Variants in SNTG1 observed in about 807,000 individuals in gnomAD.
SNTG1 encodes the protein gamma-1-syntrophin.
Under a neutral mutation model 74.7 loss-of-function variants are expected in SNTG1, and 39 were observed. The ratio of observed to expected loss-of-function variants is 0.52; its 90% CI spans 0.40 to 0.68. The LOEUF is 0.68. SNTG1 is among the 30% of genes least tolerant of loss of function. SNTG1 has a pLI of 0.00. For synonymous variants in SNTG1, 254 were observed against 217.1 expected, an observed-to-expected ratio of 1.17 and a Z score of -1.49; for missense variants, 685 against 609.5, an observed-to-expected ratio of 1.12 and a Z score of -1.30.
At chr8:50,054,632 G>C (rs568046605) in intron 1 of SNTG1, among the ~76,000 whole-genome samples, 1 of 151,940 alleles carries the variant, frequency 6.6e-6, no homozygotes, top group African/African-American at 2.4e-5. Flanking sequence ...CCTGGTGATC[G>C]AATAACCTGC....
chr8:49,948,485 A>AT (rs1336271290), intron 1 of SNTG1, among the ~76,000 whole-genome samples: 1 of 152,076 alleles, frequency 6.6e-6, no homozygotes, highest in Non-Finnish European at 1.5e-5. Context: ...TGTTTGGTGC[A>AT]TTTTTTACTA....
At chr8:50,418,083 CTT>C (rs1215486525) in intron 4 of SNTG1, among the ~76,000 whole-genome samples, 8 of 152,226 alleles carry the variant, frequency 5.3e-5, no homozygotes, top group East Asian at 3.9e-4. Context: ...CAAACTCTCT[CTT>C]GGCCCGAAAT....
At chr8:50,526,864 A>C (rs1431490731) in intron 9 of SNTG1, among the ~76,000 whole-genome samples, 1 of 151,854 alleles carries the variant, frequency 6.6e-6, no homozygotes, top group Non-Finnish European at 1.5e-5. Flanking sequence ...CCTTGTGATC[A>C]TCCCGCCTCA....
At chr8:50,123,317 A>G (rs565749012) in intron 1 of SNTG1, among the ~76,000 whole-genome samples, 9 of 142,736 alleles carry the variant, frequency 6.3e-5, no homozygotes, top group Non-Finnish European at 1.1e-4. Flanking sequence ...AATTTGAGAA[A>G]ATGAATGCTT....
chr8:50,270,384 A>G (rs950021211), intron 2 of SNTG1, among the ~76,000 whole-genome samples: 2 of 152,204 alleles, frequency 1.3e-5, no homozygotes, highest in African/African-American at 4.8e-5. Flanking sequence ...AAAAAGAGAA[A>G]GCTGTACTGT....
chr8:50,285,042 T>A (rs1177872349), intron 2 of SNTG1, among the ~76,000 whole-genome samples: 1 of 152,164 alleles, frequency 6.6e-6, no homozygotes, highest in Non-Finnish European at 1.5e-5. Context: ...TTTGTGTGCT[T>A]TTATTACATT....
intron 1 of SNTG1, among the ~76,000 whole-genome samples, chr8:50,057,456 T>C (rs1202048902): frequency 6.6e-6 from 1 of 152,082 alleles, no homozygotes; most frequent in Admixed American, 6.6e-5. Flanking sequence ...TTATTTGAAA[T>C]GCCACAGTGG....
chr8:49,991,235 A>G (rs769973113), intron 1 of SNTG1, among the ~76,000 whole-genome samples: 9 of 152,268 alleles, frequency 5.9e-5, no homozygotes, highest in Non-Finnish European at 1.3e-4. Flanking sequence ...AAAACCACAC[A>G]ATTAAATGGC....
chr8:50,539,116 T>A (rs2094328066), intron 11 of SNTG1, among the ~76,000 whole-genome samples: 1 of 152,214 alleles, frequency 6.6e-6, no homozygotes, highest in South Asian at 2.1e-4. Flanking sequence ...GGATGGTTAC[T>A]GTAAAATCCT....
chr8:50,534,477 GTAA>G (rs1333290659), intron 10 of SNTG1, among the ~76,000 whole-genome samples: 2 of 152,060 alleles, frequency 1.3e-5, no homozygotes, highest in African/African-American at 2.4e-5. Context: ...AAGTTGGGAA[GTAA>G]TAATAAAATA....
At chr8:50,058,567 T>C (rs1198836644) in intron 1 of SNTG1, among the ~76,000 whole-genome samples, 1 of 152,120 alleles carries the variant, frequency 6.6e-6, no homozygotes, top group Non-Finnish European at 1.5e-5. Context: ...AGTTTTAACT[T>C]TGAGGATTGA....
intron 2 of SNTG1, among the ~76,000 whole-genome samples, chr8:50,312,361 C>T (rs994088459): frequency 2.6e-5 from 4 of 152,136 alleles, no homozygotes; most frequent in African/African-American, 7.2e-5. Context: ...ATGGCCCCAA[C>T]GAAAGATAGC....
intron 2 of SNTG1, among the ~76,000 whole-genome samples, chr8:50,207,637 A>C (rs996928701): frequency 1.3e-5 from 2 of 151,792 alleles, no homozygotes; most frequent in African/African-American, 2.4e-5. Flanking sequence ...TTGCTTCTCT[A>C]GTTCTTTTAG....
chr8:50,540,741 C>T (rs1283123082), intron 11 of SNTG1, among the ~76,000 whole-genome samples: 6 of 151,932 alleles, frequency 3.9e-5, no homozygotes, highest in Non-Finnish European at 2.9e-5. Context: ...TATGGCATGT[C>T]CAGTACCTTT....
chr8:50,739,430 T>G (rs1185082880), intron 17 of SNTG1, among the ~76,000 whole-genome samples: 1 of 152,076 alleles, frequency 6.6e-6, no homozygotes, highest in Non-Finnish European at 1.5e-5. Context: ...CTGAAGAGGA[T>G]GTGGAGAAAT....
At chr8:50,250,828 T>C (rs1563799175) in intron 2 of SNTG1, among the ~76,000 whole-genome samples, 2 of 152,038 alleles carry the variant, frequency 1.3e-5, no homozygotes, top group African/African-American at 4.8e-5. Context: ...ACAATTAAAA[T>C]GACCTTATTA....
At chr8:50,791,178 T>C (rs1346442878) in intron 18 of SNTG1, among the ~76,000 whole-genome samples, 1 of 151,870 alleles carries the variant, frequency 6.6e-6, no homozygotes, top group East Asian at 1.9e-4. Flanking sequence ...GAATGGAGGA[T>C]TTCCAGGGTG....
intron 1 of SNTG1, among the ~76,000 whole-genome samples, chr8:50,152,372 C>T (rs1015878245): frequency 1.3e-5 from 2 of 152,136 alleles, no homozygotes; most frequent in African/African-American, 4.8e-5. Context: ...ATTTGCCAGT[C>T]TGTGTCTTTT....
intron 12 of SNTG1, among the ~76,000 whole-genome samples, chr8:50,587,238 A>G (rs890233374): frequency 2.0e-5 from 3 of 151,850 alleles, no homozygotes; most frequent in African/African-American, 4.8e-5. Flanking sequence ...GTATATATGT[A>G]TGTATGCATA....
Sources: gnomAD v4.1 joint callset for allele counts (sites outside exome capture counted in the v4.1 genomes callset) on GRCh38, gnomAD v4.1.1 for gene constraint, MANE v1.5 for transcripts, NCBI Gene and HGNC (gene_info 2026-07-23, HGNC 2026-07-21) for gene names.